Variants in PCNX2 observed in about 807,000 individuals in gnomAD.
PCNX2 encodes pecanex-like protein 2.
A neutral mutation model predicts 223.8 loss-of-function variants in PCNX2; 168 were observed. The ratio of observed to expected loss-of-function variants is 0.75; its 90% CI spans 0.66 to 0.85. The LOEUF is 0.85. Ranked by LOEUF, PCNX2 falls within the 40% of genes least tolerant of loss-of-function variation. The pLI is 0.00. For missense variants in PCNX2, 2,507 were observed against 2,675.5 expected (o/e 0.94, Z 1.39); for synonymous variants, 1,006 against 1,052.6 (o/e 0.96, Z 0.86).
chr1:233,100,828 C>T (rs2102957729), intron 21 of PCNX2, among the ~76,000 whole-genome samples: 1 of 152,296 alleles, frequency 6.6e-6, no homozygotes, highest in South Asian at 2.1e-4. Flanking sequence ...CACCTTTTCG[C>T]CTATTTCTCC....
At chr1:233,202,083 A>G in intron 13 of PCNX2, 1 of 419,440 alleles carries the variant, frequency 2.4e-6, no homozygotes, top group Non-Finnish European at 4.9e-6. Flanking sequence ...AGGAAGAGGG[A>G]GTCCATGTGT....
chr1:233,205,426 G>A (rs1447907160), intron 13 of PCNX2, among the ~76,000 whole-genome samples: 1 of 152,186 alleles, frequency 6.6e-6, no homozygotes, highest in Non-Finnish European at 1.5e-5. Flanking sequence ...GGGCATGGTG[G>A]CTCATGCCTA....
chr1:233,178,063 T>G (rs1303716931), intron 16 of PCNX2, among the ~76,000 whole-genome samples, 165 bp from the exon 17 acceptor site: 1 of 152,222 alleles, frequency 6.6e-6, no homozygotes, highest in Non-Finnish European at 1.5e-5. Context: ...ATCATAAAGA[T>G]AGTGTTTTGA....
chr1:233,319,576 A>G, the PCNX2 span, among the ~76,000 whole-genome samples: 12 of 152,226 alleles, frequency 7.9e-5, no homozygotes, highest in African/African-American at 2.9e-4. Flanking sequence ...CTTTAGTAAC[A>G]TCTTTCTTAA....
At chr1:233,161,846 A>G (rs1372114385) in intron 17 of PCNX2, among the ~76,000 whole-genome samples, 1 of 152,026 alleles carries the variant, frequency 6.6e-6, no homozygotes, top group Non-Finnish European at 1.5e-5. Flanking sequence ...ACCTGGCTAA[A>G]ACAAACAGAA....
intron 7 of PCNX2, 131 bp downstream of exon 7, chr1:233,252,223 T>C: frequency 9.2e-7 from 1 of 1,086,050 alleles, no homozygotes; most frequent in East Asian, 2.6e-5. Flanking sequence ...CAAAGAACAG[T>C]ATGTGGGCAA....
At chr1:233,092,908 CT>C (rs1231431891) in intron 22 of PCNX2, among the ~76,000 whole-genome samples, 19 of 152,200 alleles carry the variant, frequency 1.2e-4, no homozygotes, top group Non-Finnish European at 1.8e-4. Flanking sequence ...AAGCGATTCT[CT>C]TGCCTCAGCC....
the PCNX2 span, among the ~76,000 whole-genome samples, chr1:233,318,563 C>CTTTTTCTTTTTTTTT: frequency 1.1e-5 from 1 of 92,518 alleles, no homozygotes; most frequent in Non-Finnish European, 2.1e-5. Flanking sequence ...TTTTCTTTTT[C>CTTTTTCTTTTTTTTT]TTTTTTTTTT....
rs565939138 is a variant in PCNX2, at chr1:233,060,046, T to G, written c.4077-2756A>C. ...ACCATCTAGGCAAGATCCTGTTGAG[T>G]TCTGTGATGCTACGGATGGATTGGA... On this transcript the variant is annotated intron_variant, in intron 23 of 33. Transcript: ENST00000258229. Among the ~76,000 whole-genome samples the G allele has an allele frequency of 4.6e-5, 7 of 152,294 alleles. No individual in the cohort carries two copies. In the East Asian group the frequency reaches 1.3e-3, roughly 29 times the overall value.
chr1:233,094,494 A>G (rs961340046), intron 22 of PCNX2, among the ~76,000 whole-genome samples: 6 of 152,238 alleles, frequency 3.9e-5, no homozygotes, highest in African/African-American at 1.2e-4. Flanking sequence ...AGAAATATCA[A>G]TGCACATCTA....
chr1:233,201,025 C>CAAAA (rs760282445), intron 13 of PCNX2, among the ~76,000 whole-genome samples: 2 of 25,684 alleles, frequency 7.8e-5, no homozygotes, highest in African/African-American at 3.4e-4. Flanking sequence ...GACTCCGTCT[C>CAAAA]AAAAAAAAAA....
intron 32 of PCNX2, among the ~76,000 whole-genome samples, chr1:232,992,899 C>G (rs1669751905): frequency 6.6e-6 from 1 of 152,216 alleles, no homozygotes; most frequent in African/African-American, 2.4e-5. Context: ...CCTTGCTTCC[C>G]CTTCGCCTTC....
At chr1:233,312,031 G>A in the PCNX2 span, among the ~76,000 whole-genome samples, 162 of 152,234 alleles carry the variant, frequency 1.1e-3, no homozygotes, top group African/African-American at 3.5e-3. Context: ...AGAGGCTGAG[G>A]CAGGGAGATT....
chr1:232,995,519 C>A (rs1197200091), intron 32 of PCNX2, among the ~76,000 whole-genome samples: 3 of 152,068 alleles, frequency 2.0e-5, no homozygotes, highest in African/African-American at 4.8e-5. Flanking sequence ...CCCAAAAATA[C>A]AAAGCAGCTG....
At chr1:233,288,106 T>C (rs1160707170) in intron 1 of PCNX2, among the ~76,000 whole-genome samples, 1 of 152,162 alleles carries the variant, frequency 6.6e-6, no homozygotes, top group Non-Finnish European at 1.5e-5. Flanking sequence ...GGAAGGAGAT[T>C]TAGAGAAGAC....
At chr1:233,141,634 C>T (rs1677118218) in intron 19 of PCNX2, among the ~76,000 whole-genome samples, 1 of 152,098 alleles carries the variant, frequency 6.6e-6, no homozygotes, top group East Asian at 1.9e-4. Context: ...GATTGTGCCG[C>T]TGCACTCCAG....
At position 233,113,981 on chromosome 1, in the gene PCNX2, G is replaced by C. The variant is rs114489563; in HGVS notation, c.3838-18118C>G. ...TCATATCTACTCTGTGCCTGACTGT[G>C]TTCTGCAAATTGGGGTTCTATCAGT... On this transcript the variant is annotated intron_variant, in intron 21 of 33. Coordinates refer to ENST00000258229, the MANE Select transcript of PCNX2 (RefSeq NM_014801.4). Among the ~76,000 whole-genome samples the C allele has an allele frequency of 4.6e-3, 705 of 152,328 alleles. 1 individual carries two copies. Among genetic ancestry groups the C allele is most frequent in the African/African-American group, 0.015 (633 of 41,570 alleles).
At chr1:233,013,317 C>T (rs1670532947) in intron 28 of PCNX2, among the ~76,000 whole-genome samples, 1 of 152,190 alleles carries the variant, frequency 6.6e-6, no homozygotes, top group African/African-American at 2.4e-5. Context: ...CTCTTGGTGA[C>T]TCCAGGCTAC....
At chr1:233,067,856 C>T (rs778949492) in intron 23 of PCNX2, among the ~76,000 whole-genome samples, 2 of 152,104 alleles carry the variant, frequency 1.3e-5, no homozygotes, top group Admixed American at 6.6e-5. Context: ...GACAGAACAA[C>T]AGACTGCTGT....
Sources: gnomAD v4.1 joint callset for allele counts (sites outside exome capture counted in the v4.1 genomes callset) on GRCh38, gnomAD v4.1.1 for gene constraint, MANE v1.5 for transcripts, NCBI Gene and HGNC (gene_info 2026-07-23, HGNC 2026-07-21) for gene names.